EVC: variants seen among roughly 807,000 people sequenced by gnomAD.
EVC encodes the protein evC complex member EVC.
EVC carries 116 observed loss-of-function variants against 118.9 expected under a neutral mutation model. The ratio of observed to expected loss-of-function variants is 0.98; its 90% CI spans 0.84 to 1.14. The LOEUF is 1.14. Among genes scored for constraint, EVC ranks in the 50% most tolerant of loss-of-function variants. The probability of loss-of-function intolerance (pLI) is 0.00; values close to 1 mark genes in which losing one functional copy is unlikely to be tolerated. For synonymous variants in EVC, 619 were observed against 534.7 expected, an observed-to-expected ratio of 1.16 and a Z score of -2.18; for missense variants, 1,401 against 1,246.4, an observed-to-expected ratio of 1.12 and a Z score of -1.87.
intron 3 of EVC, among the ~76,000 whole-genome samples, chr4:5,730,427 T>A (rs1190929217): frequency 6.6e-6 from 1 of 151,612 alleles, no homozygotes; most frequent in Non-Finnish European, 1.5e-5. Flanking sequence ...CTCAAGGAGC[T>A]GTTCCCTGGA....
chr4:5,740,998 A>C (rs1434145589), intron 5 of EVC, among the ~76,000 whole-genome samples: 1 of 152,234 alleles, frequency 6.6e-6, no homozygotes, highest in Non-Finnish European at 1.5e-5. Context: ...TGGAAATATA[A>C]AATGGTACCT....
chr4:5,807,605 G>A (rs890598116), intron 17 of EVC, among the ~76,000 whole-genome samples: 1 of 152,190 alleles, frequency 6.6e-6, no homozygotes, highest in Non-Finnish European at 1.5e-5. Flanking sequence ...GGGCCCTGGG[G>A]CTCAGGTACC....
intron 12 of EVC, among the ~76,000 whole-genome samples, chr4:5,785,713 G>A (rs55923310): frequency 0.057 from 8,646 of 152,276 alleles, 281 homozygotes; most frequent in Non-Finnish European, 0.074. Flanking sequence ...CCTATTCAAA[G>A]CCCAGTGGCT....
chr4:5,755,729 C>T lies in EVC; in HGVS notation c.1465-535C>T, dbSNP rs1477009314. Among the ~76,000 whole-genome samples, 1 of 152,166 alleles carries T rather than the reference C, an allele frequency of 6.6e-6. No individual in the cohort carries two copies. The highest frequency in any genetic ancestry group is 1.5e-5 in the Non-Finnish European group (1 of 68,034). On this transcript the variant is annotated intron_variant, in intron 10 of 20. Transcript: ENST00000264956. This position sits in a 1 kb window ranked among gnomAD's most constrained non-coding sequence, Gnocchi z 4.1. The stretch of plus-strand genomic sequence containing the variant: ...GGTCTGTTCCTCTGTCCTTCTGCCC[C>T]ACCTCGCCCCTCGCTGATGCTCTGT...
At chr4:5,769,825 T>C (rs1733669178) in intron 11 of EVC, among the ~76,000 whole-genome samples, 1 of 152,230 alleles carries the variant, frequency 6.6e-6, no homozygotes, top group East Asian at 1.9e-4. Flanking sequence ...CTGGACTCTG[T>C]CCTTGAAGAA....
chr4:5,768,205 CA>C (rs1733282201), intron 11 of EVC, among the ~76,000 whole-genome samples: 1 of 152,032 alleles, frequency 6.6e-6, no homozygotes, highest in South Asian at 2.1e-4. Flanking sequence ...CAGACTGTTC[CA>C]AGATAGTTGC....
intron 2 of EVC, among the ~76,000 whole-genome samples, chr4:5,726,099 A>G (rs1021343371): frequency 1.3e-5 from 2 of 152,154 alleles, no homozygotes; most frequent in Admixed American, 6.5e-5. Context: ...TCAAATTAGG[A>G]GCAAGTGATC....
intron 11 of EVC, among the ~76,000 whole-genome samples, chr4:5,768,566 T>G (rs1260423334): frequency 6.6e-6 from 1 of 152,082 alleles, no homozygotes; most frequent in East Asian, 1.9e-4. Context: ...ATACTCAAAA[T>G]GTATTCTCGG....
chr4:5,812,457 T>C lies in EVC; in HGVS notation c.*1420T>C. 6.3e-6 allele frequency: 1 copy of C among 159,804 alleles called. No homozygotes were observed. Among genetic ancestry groups the C allele is most frequent in the Non-Finnish European group, 1.3e-5 (1 of 77,116 alleles). The allele number at this position is 159,804 out of a possible 1,614,324, so 9.9% of individuals were successfully genotyped here. A position where few individuals can be genotyped will look rare whatever the true frequency, so the allele number is the denominator to read the frequency against. ...CCTCACACCACAGCCAGGAGAGACC[T>C]TTTCTGCCTGGAGAGAAACTTTCAG... On this transcript the variant is annotated 3_prime_UTR_variant, in exon 21 of 21. Transcript: ENST00000264956.
At position 5,811,142 on chromosome 4, in the gene EVC, G is replaced by A. The variant is rs536130735; in HGVS notation, c.*105G>A. 1 of 846,984 alleles carries A rather than the reference G, an allele frequency of 1.2e-6. No individual in the cohort carries two copies. The highest frequency in any genetic ancestry group is 2.0e-6 in the Non-Finnish European group (1 of 507,356). 52.5% of individuals were successfully genotyped at this position (846,984 alleles called of 1,614,324 possible). ...GGCAGCGAGGACGGAGAGGACAGCG[G>A]CATCTCTAGGCTCTTCTGAGAGGGA... On this transcript the variant is annotated 3_prime_UTR_variant, in exon 21 of 21. Transcript: ENST00000264956.
At chr4:5,801,691 A>T in intron 15 of EVC, 1 of 394,186 alleles carries the variant, frequency 2.5e-6, no homozygotes, top group South Asian at 2.7e-5. Flanking sequence ...AAAAAAAAAA[A>T]AGATGCGGGG....
chr4:5,801,663 C>T, intron 15 of EVC: 1 of 367,164 alleles, frequency 2.7e-6, no homozygotes, highest in East Asian at 5.9e-5. Flanking sequence ...CAGAGTGAGT[C>T]TCCATCTCAA....
chr4:5,815,854 T>G (rs1717588476), downstream of EVC, among the ~76,000 whole-genome samples: 1 of 152,136 alleles, frequency 6.6e-6, no homozygotes, highest in African/African-American at 2.4e-5. Flanking sequence ...GCATTCATGG[T>G]CACCTGGTGG....
rs12511510 is a variant in EVC, at chr4:5,799,747, G to A, written c.2304+955G>A. Among the ~76,000 whole-genome samples the A allele has an allele frequency of 5.8e-4, 89 of 152,278 alleles. 1 individual carries two copies. Among genetic ancestry groups the A allele is most frequent in the Admixed American group, 4.5e-3 (69 of 15,294 alleles). ...GGGGTTCCTTTCATCTCAGTAAAAC[G>A]AGTCACTTTGCGTGTCTGTGCAGCA... is the stretch of plus-strand genomic sequence containing the variant. On this transcript the variant is annotated intron_variant, in intron 15 of 20. Coordinates refer to ENST00000264956, the MANE Select transcript of EVC (RefSeq NM_153717.3).
intron 11 of EVC, among the ~76,000 whole-genome samples, chr4:5,782,682 A>C (rs1310575397): frequency 6.6e-6 from 1 of 151,740 alleles, no homozygotes; most frequent in Non-Finnish European, 1.5e-5. Flanking sequence ...CAACAGAATG[A>C]TAAGACAAGA....
At chr4:5,758,139 G>A (rs1275951485) in intron 11 of EVC, 1 of 702,094 alleles carries the variant, frequency 1.4e-6, no homozygotes, top group Non-Finnish European at 2.6e-6. Flanking sequence ...CAGAAGGAGG[G>A]ACTGGAGTGA....
At chr4:5,800,004 A>G (rs1003405519) in intron 15 of EVC, among the ~76,000 whole-genome samples, 2 of 152,204 alleles carry the variant, frequency 1.3e-5, no homozygotes, top group Non-Finnish European at 2.9e-5. Flanking sequence ...TTTTGAGTCA[A>G]GATTGGAAAA....
rs1303892597 is a variant in EVC, at chr4:5,754,564, C to G, written c.1464+631C>G. Among the ~76,000 whole-genome samples the G allele has an allele frequency of 2.0e-5, 3 of 152,168 alleles. No homozygotes were observed. The highest frequency in any genetic ancestry group is 6.5e-5 in the Admixed American group (1 of 15,292). On this transcript the variant is annotated intron_variant, in intron 10 of 20. Transcript: ENST00000264956. The surrounding 1 kb of genome is among the most constrained non-coding windows in gnomAD (Gnocchi z 5.8). ...CAGTTCTCAGAGAGACCACCGAGCTCTGGTTTCGCTCTGCTTGCTTTCACT... is the reference window on the plus strand; with the variant it reads ...CAGTTCTCAGAGAGACCACCGAGCTGTGGTTTCGCTCTGCTTGCTTTCACT...
chr4:5,731,612 C>T lies in EVC; in HGVS notation c.572C>T (p.Thr191Ile). Residue 191 changes from threonine to isoleucine, a missense_variant, in exon 4 of 21, where the codon ACC (threonine) becomes ATC (isoleucine). Transcript: ENST00000264956. This position sits in a 1 kb window ranked among gnomAD's most constrained non-coding sequence, Gnocchi z 5.6. ...ATSDDRFLSR[T>I]FLRVNAFPEV... ...AGCGATGACAGGTTTCTCAGCCGCA[C>T]CTTCCTCCGGGTGAACGCCTTCCCT... 6.2e-7 allele frequency: 1 copy of T among 1,614,170 alleles called. No homozygotes were observed. The highest frequency in any genetic ancestry group is 8.5e-7 in the Non-Finnish European group (1 of 1,180,034).
Sources: gnomAD v4.1 joint callset for allele counts (sites outside exome capture counted in the v4.1 genomes callset) on GRCh38, gnomAD v4.1.1 for gene constraint, Gnocchi (gnomAD v3.1) non-coding constraint, MANE v1.5 for transcripts, NCBI Gene and HGNC (gene_info 2026-07-23, HGNC 2026-07-21) for gene names.